Variants in VTI1A observed in about 807,000 individuals in gnomAD.
VTI1A encodes the protein vesicle transport through interaction with t-SNAREs homolog 1A.
Under a neutral mutation model 34.9 loss-of-function variants are expected in VTI1A, and 22 were observed. The ratio of observed to expected loss-of-function variants is 0.63; its 90% CI spans 0.45 to 0.90. The LOEUF (loss-of-function observed/expected upper bound fraction) is 0.90. Ranked by LOEUF, VTI1A falls within the 40% of genes least tolerant of loss-of-function variation. VTI1A has a pLI of 0.00. For missense variants in VTI1A, 268 were observed against 275.6 expected, an observed-to-expected ratio of 0.97 and a Z score of 0.20; for synonymous variants, 87 against 97.3, an observed-to-expected ratio of 0.89 and a Z score of 0.62.
In VTI1A at chr10:112,447,270, C is replaced by T. The variant is rs760636886; in HGVS notation, c.-104C>T. 86 of 1,273,760 alleles carry T rather than the reference C, an allele frequency of 6.8e-5. No homozygotes were observed. In the East Asian group the frequency reaches 8.2e-4, roughly 12 times the overall value. 78.9% of individuals were successfully genotyped at this position (1,273,760 alleles called of 1,614,324 possible). Reference sequence around the variant, plus strand: ...TGTCCCCGGTTCTCCGTTCTGCTCTCGGGGGCACCTTCCGGGGTTCCTAAG... The same window carrying T: ...TGTCCCCGGTTCTCCGTTCTGCTCTTGGGGGCACCTTCCGGGGTTCCTAAG... On this transcript the variant is annotated 5_prime_UTR_variant, in exon 1 of 8. Transcript: ENST00000393077.
rs148147500 is a variant in VTI1A at position 112,713,938 on chromosome 10, T to A, written c.560+44940T>A. Among the ~76,000 whole-genome samples the A allele has an allele frequency of 7.2e-3, 1,095 of 152,276 alleles. 9 individuals carry two copies. The highest frequency in any genetic ancestry group is 0.025 in the African/African-American group (1,046 of 41,554). On this transcript the variant is annotated intron_variant, in intron 7 of 7. Coordinates refer to ENST00000393077, the MANE Select transcript of VTI1A (RefSeq NM_145206.4). ...TTACTACACTAGACCATAGGCAAGATAGCAAAAGAGGTCTTCGGTGCTCCC... is the reference window on the plus strand; with the variant it reads ...TTACTACACTAGACCATAGGCAAGAAAGCAAAAGAGGTCTTCGGTGCTCCC...
chr10:112,576,868 A>G (rs1054870947), intron 5 of VTI1A, among the ~76,000 whole-genome samples: 4 of 152,196 alleles, frequency 2.6e-5, no homozygotes. Flanking sequence ...ACCCACACAC[A>G]CAAAACTGAA....
intron 7 of VTI1A, among the ~76,000 whole-genome samples, chr10:112,743,013 CGTGTGTGTGTGTGT>C (rs10612255): frequency 0.013 from 1,903 of 141,976 alleles, 41 homozygotes; most frequent in African/African-American, 0.045. Flanking sequence ...GACCTATTCT[CGTGTGTGTGTGTGT>C]GTGTGTGTGT....
chr10:112,513,817 T>G (rs1309113347), intron 3 of VTI1A, among the ~76,000 whole-genome samples: 1 of 152,080 alleles, frequency 6.6e-6, no homozygotes, highest in African/African-American at 2.4e-5. Context: ...ATTCATTTTG[T>G]TAATATGTTG....
chr10:112,692,768 A>G (rs914868547), intron 7 of VTI1A, among the ~76,000 whole-genome samples: 5 of 152,236 alleles, frequency 3.3e-5, no homozygotes, highest in African/African-American at 1.2e-4. Context: ...GTAAGTAATC[A>G]TCTGCGTGTT....
At chr10:112,464,689 C>CT (rs780099744) in intron 3 of VTI1A, 32 bp downstream of exon 3, 14 of 1,585,204 alleles carry the variant, frequency 8.8e-6, no homozygotes, top group Non-Finnish European at 1.1e-5. Flanking sequence ...GTCATATTTA[C>CT]TTTTTTTTAA....
chr10:112,490,330 T>A (rs966798513), intron 3 of VTI1A, among the ~76,000 whole-genome samples: 12 of 152,222 alleles, frequency 7.9e-5, no homozygotes, highest in Non-Finnish European at 1.5e-4. Flanking sequence ...CACCGGTTGG[T>A]TTATTGAAAG....
At chr10:112,746,238 C>T (rs1369840189) in intron 7 of VTI1A, among the ~76,000 whole-genome samples, 1 of 152,194 alleles carries the variant, frequency 6.6e-6, no homozygotes, top group East Asian at 1.9e-4. Flanking sequence ...GTTTTAGAAA[C>T]CATGTTGCTC....
At chr10:112,453,239 T>A (rs183163584) in intron 1 of VTI1A, among the ~76,000 whole-genome samples, 11 of 152,322 alleles carry the variant, frequency 7.2e-5, no homozygotes, top group Non-Finnish European at 1.5e-4. Flanking sequence ...ATACCAAGAA[T>A]ACATACTGTC....
rs553192916 is a variant in VTI1A at position 112,490,717 on chromosome 10, C to T, written c.264+26060C>T. Among the ~76,000 whole-genome samples the T allele has an allele frequency of 3.3e-5, 5 of 151,832 alleles. No homozygotes were observed. In the South Asian group the frequency reaches 1.0e-3, roughly 32 times the overall value. On this transcript the variant is annotated intron_variant, in intron 3 of 7. Transcript: ENST00000393077. ...AGGATGACATGCCTCTTAGCGATCC[C>T]TTTGATCTTTGAGATGAGTATCAAC... is the stretch of plus-strand genomic sequence containing the variant.
intron 5 of VTI1A, among the ~76,000 whole-genome samples, chr10:112,545,987 T>TATACGTGTATACACGTATGTGTGTGC (rs1220981856): frequency 1.4e-5 from 2 of 142,258 alleles, no homozygotes; most frequent in Admixed American, 6.7e-5. Context: ...TATGTGTGTG[T>TATACGTGTATACACGTATGTGTGTGC]ATATACGTGT....
chr10:112,458,261 T>G (rs940564609), intron 1 of VTI1A, among the ~76,000 whole-genome samples: 2 of 152,220 alleles, frequency 1.3e-5, no homozygotes, highest in African/African-American at 4.8e-5. Context: ...TCCTGATACG[T>G]AAATACACCA....
At chr10:112,618,524 T>TATATATATATAGAGAGAGAGAG (rs748276058) in intron 5 of VTI1A, among the ~76,000 whole-genome samples, 10 of 34,576 alleles carry the variant, frequency 2.9e-4, no homozygotes, top group Non-Finnish European at 3.5e-4. Flanking sequence ...TATATATATA[T>TATATATATATAGAGAGAGAGAG]AGAGAGAGAG....
intron 5 of VTI1A, among the ~76,000 whole-genome samples, chr10:112,575,965 T>C (rs978122105): frequency 1.3e-5 from 2 of 152,052 alleles, no homozygotes; most frequent in Non-Finnish European, 2.9e-5. Flanking sequence ...TGTTTGTTCA[T>C]TCTGTGTATC....
downstream of VTI1A, among the ~76,000 whole-genome samples, chr10:112,821,091 T>G (rs557212463): frequency 2.4e-4 from 37 of 152,332 alleles, no homozygotes; most frequent in Non-Finnish European, 1.5e-5. Flanking sequence ...TTACTCGTGC[T>G]ACATGAAGAA....
chr10:112,671,991 A>G (rs1217376423), intron 7 of VTI1A: 1 of 152,196 alleles, frequency 6.6e-6, no homozygotes, highest in Admixed American at 6.5e-5. Context: ...ACTTTAGTGT[A>G]GTAGAGGACG....
At chr10:112,507,403 C>T (rs1443541422) in intron 3 of VTI1A, among the ~76,000 whole-genome samples, 2 of 152,188 alleles carry the variant, frequency 1.3e-5, no homozygotes, top group Non-Finnish European at 2.9e-5. Context: ...TAGACTAAAC[C>T]TTACAAATGT....
chr10:112,660,728 G>A (rs1847415340), intron 5 of VTI1A, among the ~76,000 whole-genome samples: 1 of 151,994 alleles, frequency 6.6e-6, no homozygotes, highest in Non-Finnish European at 1.5e-5. Flanking sequence ...GTGGCTAGTG[G>A]GTACTGTGTA....
At chr10:112,760,091 G>T (rs1039714584) in intron 7 of VTI1A, among the ~76,000 whole-genome samples, 11 of 152,154 alleles carry the variant, frequency 7.2e-5, no homozygotes, top group Non-Finnish European at 1.5e-4. Context: ...ATATATGGGA[G>T]TCCACACGAA....
Sources: gnomAD v4.1 joint callset for allele counts (sites outside exome capture counted in the v4.1 genomes callset) on GRCh38, gnomAD v4.1.1 for gene constraint, MANE v1.5 for transcripts, NCBI Gene and HGNC (gene_info 2026-07-23, HGNC 2026-07-21) for gene names.